ENOX1: variants seen among roughly 807,000 people sequenced by gnomAD.
ENOX1 encodes ecto-NOX disulfide-thiol exchanger 1, also known as candidate growth-related and time keeping constitutive hydroquinone (NADH) oxidase.
ENOX1 carries 42 observed loss-of-function variants against 82.5 expected under a neutral mutation model. The observed-to-expected ratio is 0.51, with a 90% CI of 0.40 to 0.66. The LOEUF is 0.66. ENOX1 is among the 30% of genes least tolerant of loss of function. ENOX1 has a pLI of 0.00. For missense variants in ENOX1, 608 were observed against 811.6 expected (o/e 0.75, Z 3.05); for synonymous variants, 271 against 282.2 (o/e 0.96, Z 0.40).
chr13:43,661,375 G>A (rs2084717765), intron 2 of ENOX1, among the ~76,000 whole-genome samples: 1 of 152,176 alleles, frequency 6.6e-6, no homozygotes, highest in South Asian at 2.1e-4. Context: ...GGTCTGGGTA[G>A]GAGGCCGGTG....
At chr13:43,220,584 T>C (rs779009361) in intron 16 of ENOX1, among the ~76,000 whole-genome samples, 1 of 152,212 alleles carries the variant, frequency 6.6e-6, no homozygotes, top group African/African-American at 2.4e-5. Flanking sequence ...GCTGGGTACA[T>C]GAAAAGCAGT....
intron 11 of ENOX1, among the ~76,000 whole-genome samples, chr13:43,312,234 CAAG>C (rs2047245122): frequency 6.6e-6 from 1 of 152,120 alleles, no homozygotes; most frequent in Non-Finnish European, 1.5e-5. Flanking sequence ...CTGTGAATCT[CAAG>C]AAGATTGATA....
At chr13:43,541,521 G>A (rs190431142) in intron 2 of ENOX1, among the ~76,000 whole-genome samples, 2 of 152,068 alleles carry the variant, frequency 1.3e-5, no homozygotes, top group Non-Finnish European at 2.9e-5. Context: ...AAACAAAAAC[G>A]ATTTCCAATA....
chr13:43,773,872 C>T (rs1337930533), intron 1 of ENOX1, among the ~76,000 whole-genome samples: 1 of 152,150 alleles, frequency 6.6e-6, no homozygotes, highest in Non-Finnish European at 1.5e-5. Context: ...AATACCTATT[C>T]ATTAGGCACG....
At chr13:43,276,460 G>A (rs1431830029) in intron 12 of ENOX1, among the ~76,000 whole-genome samples, 1 of 152,066 alleles carries the variant, frequency 6.6e-6, no homozygotes, top group Non-Finnish European at 1.5e-5. Context: ...CTCTTGGTGG[G>A]ATCCTGTTAC....
chr13:43,745,957 T>A (rs1398732980), intron 1 of ENOX1, among the ~76,000 whole-genome samples: 1 of 152,138 alleles, frequency 6.6e-6, no homozygotes, highest in Non-Finnish European at 1.5e-5. Flanking sequence ...GAACTGTGAG[T>A]CTTTCCTTTA....
intron 1 of ENOX1, among the ~76,000 whole-genome samples, chr13:43,751,999 AGT>A (rs1950348598): frequency 6.6e-6 from 1 of 152,218 alleles, no homozygotes; most frequent in African/African-American, 2.4e-5. Flanking sequence ...TCCCACTAAC[AGT>A]GTGTGAAAAT....
At chr13:43,734,640 A>G (rs1197152304) in intron 1 of ENOX1, among the ~76,000 whole-genome samples, 1 of 152,196 alleles carries the variant, frequency 6.6e-6, no homozygotes, top group Non-Finnish European at 1.5e-5. Flanking sequence ...CAAAAACTTC[A>G]TGCTTCAACA....
intron 2 of ENOX1, among the ~76,000 whole-genome samples, chr13:43,540,825 A>AC (rs962185535): frequency 3.3e-5 from 5 of 151,236 alleles, no homozygotes; most frequent in East Asian, 1.9e-4. Flanking sequence ...CTTCTAAAGG[A>AC]CCCCCCCTCA....
intron 2 of ENOX1, among the ~76,000 whole-genome samples, chr13:43,582,580 T>C (rs1311996555): frequency 1.3e-5 from 2 of 152,028 alleles, no homozygotes; most frequent in African/African-American, 4.8e-5. Flanking sequence ...TATTTCTTTT[T>C]CTTTTTTTTT....
In ENOX1 at chr13:43,596,305, T is replaced by A. The variant is rs560716500; in HGVS notation, c.-219+71174A>T. The stretch of plus-strand genomic sequence containing the variant: ...ATAGTTCAGTCTCTGCTCATCTACA[T>A]TTAACACCACCACAGGCCTTCCATT... On this transcript the variant is annotated intron_variant, in intron 2 of 16. Coordinates refer to ENST00000690772, the MANE Select transcript of ENOX1 (RefSeq NM_001347969.2). Among the ~76,000 whole-genome samples, 3 of 152,320 alleles carry A rather than the reference T, an allele frequency of 2.0e-5. No individual in the cohort carries two copies. The East Asian group carries it at 5.8e-4, about 29-fold the overall frequency.
At chr13:43,326,291 G>T (rs1331277311) in intron 10 of ENOX1, 128 bp downstream of exon 10, 2 of 748,126 alleles carry the variant, frequency 2.7e-6, no homozygotes, top group African/African-American at 3.5e-5. Flanking sequence ...ATTTGGAGCT[G>T]ACAGTGAGAT....
chr13:43,692,779 G>A (rs2086432695), intron 1 of ENOX1, among the ~76,000 whole-genome samples: 1 of 152,104 alleles, frequency 6.6e-6, no homozygotes, highest in South Asian at 2.1e-4. Context: ...CTGAGTTATT[G>A]AAGACGTGGG....
chr13:43,662,012 C>T (rs772301094), intron 2 of ENOX1, among the ~76,000 whole-genome samples: 7 of 151,928 alleles, frequency 4.6e-5, no homozygotes, highest in Non-Finnish European at 1.0e-4. Context: ...TTATAGACAG[C>T]AATACTAATT....
At position 43,541,171 on chromosome 13, in the gene ENOX1, C is replaced by CTGTTTTTTTTTTTT. The variant is rs2078694991; in HGVS notation, c.-218-57033_-218-57020dup. Among the ~76,000 whole-genome samples, 9 of 38,732 alleles carry CTGTTTTTTTTTTTT rather than the reference C, an allele frequency of 2.3e-4. 3 individuals carry two copies. Among genetic ancestry groups the CTGTTTTTTTTTTTT allele is most frequent in the Non-Finnish European group, 4.9e-4 (8 of 16,368 alleles). 25.4% of individuals were successfully genotyped at this position (38,732 alleles called of 152,430 possible). On this transcript the variant is annotated intron_variant, in intron 2 of 16. Transcript: ENST00000690772. ...CTCTCCAACCTTACACTTCTTCCCT[C>CTGTTTTTTTTTTTT]TGTTTTTTTTTTTTTTTTTTTTTTT...
chr13:43,772,336 GT>G (rs1413576918), intron 1 of ENOX1, among the ~76,000 whole-genome samples: 1 of 152,116 alleles, frequency 6.6e-6, no homozygotes, highest in African/African-American at 2.4e-5. Flanking sequence ...TTGGGATCAA[GT>G]TAAAGATGCT....
At chr13:43,250,151 T>G (rs536854462) in intron 14 of ENOX1, among the ~76,000 whole-genome samples, 1 of 152,328 alleles carries the variant, frequency 6.6e-6, no homozygotes, top group Admixed American at 6.5e-5. Context: ...CTTCCTTAAG[T>G]TCACACACCT....
At chr13:43,391,500 C>T (rs1429091376) in intron 5 of ENOX1, among the ~76,000 whole-genome samples, 3 of 152,136 alleles carry the variant, frequency 2.0e-5, no homozygotes, top group Admixed American at 6.6e-5. Flanking sequence ...AGCTCCAACC[C>T]GGGAAGTACC....
rs189854562 is a variant in ENOX1 at position 43,419,924 on chromosome 13, C to G, written c.-74-6936G>C. ...AGGCAAAGGTTGCAGTGAGCCAAGA[C>G]CAAGCCACTGCACTACAGCCTAGGC... is the stretch of plus-strand genomic sequence containing the variant. On this transcript the variant is annotated intron_variant, in intron 3 of 16. Transcript: ENST00000690772. Among the ~76,000 whole-genome samples, 283 of 152,026 alleles carry G rather than the reference C, an allele frequency of 1.9e-3. 2 individuals are homozygous for G. The highest frequency in any genetic ancestry group is 6.6e-3 in the African/African-American group (272 of 41,474).
Sources: gnomAD v4.1 joint callset for allele counts (sites outside exome capture counted in the v4.1 genomes callset) on GRCh38, gnomAD v4.1.1 for gene constraint, MANE v1.5 for transcripts, NCBI Gene and HGNC (gene_info 2026-07-23, HGNC 2026-07-21) for gene names.